The following TTLL7 variants were observed in gnomAD, a reference collection of about 807,000 sequenced individuals.
TTLL7 encodes the protein tubulin tyrosine ligase like 7, also known as tubulin polyglutamylase TTLL7.
A neutral mutation model predicts 120.2 loss-of-function variants in TTLL7; 53 were observed. The ratio of observed to expected loss-of-function variants is 0.44; its 90% confidence interval spans 0.35 to 0.55. The LOEUF (loss-of-function observed/expected upper bound fraction) is 0.55, where lower values mean the gene tolerates loss of function less well. TTLL7 is among the 20% of genes least tolerant of loss of function. The pLI, the probability that TTLL7 is intolerant of heterozygous loss-of-function variation, is 0.00. For synonymous variants in TTLL7, 353 were observed against 351.7 expected, an observed-to-expected ratio of 1.00 and a Z score of -0.04; for missense variants, 803 against 1,054.7, an observed-to-expected ratio of 0.76 and a Z score of 3.31.
At chr1:83,914,022 A>G (rs4258240) in intron 14 of TTLL7, among the ~76,000 whole-genome samples, 6,276 of 152,306 alleles carry the variant, frequency 0.041, 155 homozygotes, top group Middle Eastern at 0.099. Context: ...GACTCATGCA[A>G]GTATTCACTT....
intron 20 of TTLL7, among the ~76,000 whole-genome samples, chr1:83,881,520 A>G (rs1163994921): frequency 1.3e-5 from 2 of 152,180 alleles, no homozygotes; most frequent in Non-Finnish European, 2.9e-5. Context: ...GAGAAATACA[A>G]ATCAAAACCA....
intron 18 of TTLL7, among the ~76,000 whole-genome samples, chr1:83,899,715 T>C (rs1221589634): frequency 6.6e-6 from 1 of 151,940 alleles, no homozygotes; most frequent in East Asian, 1.9e-4. Flanking sequence ...ACTTTTGATT[T>C]ATACCAAAGG....
intron 1 of TTLL7, among the ~76,000 whole-genome samples, chr1:83,965,913 A>C (rs1324251005): frequency 6.6e-6 from 1 of 152,088 alleles, no homozygotes; most frequent in Non-Finnish European, 1.5e-5. Flanking sequence ...TGCTAACATC[A>C]TTTAGGAAGC....
rs186388849 is a variant in TTLL7, at chr1:83,938,010, A to G, written c.730T>C (p.Leu244=). ...IPPNESNLTQ[L]YMHLTNYSVN... ...GAGTAGTTTGTCAGATGCATGTATAACTGGGTCTGTAACAAGTAAGAACCA... is the reference window on the plus strand; with the variant it reads ...GAGTAGTTTGTCAGATGCATGTATAGCTGGGTCTGTAACAAGTAAGAACCA... The change falls in exon 8 of 21, where the codon TTA becomes CTA. Residue 244 remains leucine (L), a synonymous_variant. Transcript: ENST00000260505. The G allele has an allele frequency of 6.0e-4, 964 of 1,613,962 alleles. 1 individual carries two copies. Among genetic ancestry groups the G allele is most frequent in the Non-Finnish European group, 7.9e-4 (933 of 1,179,864 alleles).
At chr1:83,878,716 T>C (rs1183349169) in intron 20 of TTLL7, among the ~76,000 whole-genome samples, 2 of 151,976 alleles carry the variant, frequency 1.3e-5, no homozygotes, top group Non-Finnish European at 2.9e-5. Context: ...TTTTAAAATG[T>C]TTTTTAGCTA....
intron 14 of TTLL7, among the ~76,000 whole-genome samples, chr1:83,915,164 G>T (rs1473567259): frequency 2.0e-5 from 3 of 151,994 alleles, no homozygotes; most frequent in Non-Finnish European, 4.4e-5. Context: ...TTAGTAGGAA[G>T]ACATTTCAGA....
At chr1:83,916,233 A>G (rs1658149541) in intron 14 of TTLL7, among the ~76,000 whole-genome samples, 1 of 152,202 alleles carries the variant, frequency 6.6e-6, no homozygotes, top group South Asian at 2.1e-4. Context: ...AAAGACTTGG[A>G]ACCAACCCAA....
chr1:83,928,957 G>A (rs1391301858), intron 10 of TTLL7, among the ~76,000 whole-genome samples, 179 bp downstream of exon 10: 6 of 150,072 alleles, frequency 4.0e-5, no homozygotes, highest in Non-Finnish European at 7.4e-5. Context: ...ATCAAGAAAT[G>A]AAAAATACAA....
intron 16 of TTLL7, among the ~76,000 whole-genome samples, chr1:83,907,206 T>A (rs1347140384): frequency 1.3e-5 from 2 of 152,118 alleles, no homozygotes; most frequent in African/African-American, 4.8e-5. Flanking sequence ...TCCTACTATA[T>A]CAGCAAATAG....
At chr1:83,924,802 G>C (rs1393224611) in intron 10 of TTLL7, among the ~76,000 whole-genome samples, 1 of 152,158 alleles carries the variant, frequency 6.6e-6, no homozygotes, top group South Asian at 2.1e-4. Flanking sequence ...AATATTAAAT[G>C]AGAACAAGTG....
chr1:83,983,896 C>T (rs1377388322), intron 1 of TTLL7: 3 of 152,224 alleles, frequency 2.0e-5, no homozygotes, highest in African/African-American at 7.2e-5. Context: ...TTGAGACCGG[C>T]CAGGGCAATA....
In TTLL7 at chr1:83,996,493, G is replaced by A. The variant is rs143368351; in HGVS notation, c.-177+2438C>T. Among the ~76,000 whole-genome samples the A allele has an allele frequency of 1.6e-3, 241 of 152,270 alleles. 1 individual carries two copies. Among genetic ancestry groups the A allele is most frequent in the East Asian group, 7.5e-3 (39 of 5,180 alleles). On this transcript the variant is annotated intron_variant, in intron 1 of 20. Transcript: ENST00000260505. ...CTATCAGAATCCTTCCAGTCTCTGA[G>A]ACTGATTTAATTCACTTCAACCCAT...
chr1:83,919,041 T>C (rs1182057598), intron 13 of TTLL7, among the ~76,000 whole-genome samples: 1 of 151,996 alleles, frequency 6.6e-6, no homozygotes, highest in Non-Finnish European at 1.5e-5. Context: ...AGCTATCTTA[T>C]CTGACACACC....
At chr1:83,941,045 G>A (rs1273511086) in intron 7 of TTLL7, among the ~76,000 whole-genome samples, 1 of 152,072 alleles carries the variant, frequency 6.6e-6, no homozygotes, top group Non-Finnish European at 1.5e-5. Flanking sequence ...CTCCAGACAT[G>A]CCATACTCTG....
chr1:83,942,408 A>G (rs1648066207), intron 7 of TTLL7, 55 bp downstream of exon 7: 5 of 1,467,792 alleles, frequency 3.4e-6, no homozygotes, highest in Non-Finnish European at 4.7e-6. Flanking sequence ...GGATGCTTTA[A>G]AAAGTATATG....
intron 18 of TTLL7, among the ~76,000 whole-genome samples, chr1:83,892,791 C>CGCATATGTGAACATATATATGAAT (rs1571087321): frequency 6.6e-6 from 1 of 151,410 alleles, no homozygotes; most frequent in African/African-American, 2.4e-5. Context: ...TATATATGAA[C>CGCATATGTGAACATATATATGAAT]GCATATGTGA....
chr1:83,913,073 G>A (rs1657814077), intron 14 of TTLL7: 1 of 152,132 alleles, frequency 6.6e-6, no homozygotes, highest in African/African-American at 2.4e-5. Context: ...ACGTACAGCT[G>A]AGCCTTTGTG....
In TTLL7 at chr1:83,999,047, G is replaced by A. The variant is rs773791789; in HGVS notation, c.-293C>T. Reference sequence around the variant, plus strand: ...CCGCCCCGACTCGGCAGCCTGCACTGGTGGTCCGGTGCTCTCCTCCGCCCG... The same window carrying A: ...CCGCCCCGACTCGGCAGCCTGCACTAGTGGTCCGGTGCTCTCCTCCGCCCG... On this transcript the variant is annotated 5_prime_UTR_variant, in exon 1 of 21. Coordinates refer to ENST00000260505, the MANE Select transcript of TTLL7 (RefSeq NM_024686.6). 3.8e-5 allele frequency: 17 copies of A among 448,036 alleles called. No individual in the cohort carries two copies. Among genetic ancestry groups the A allele is most frequent in the Non-Finnish European group, 1.8e-5 (4 of 224,858 alleles). 27.8% of individuals were successfully genotyped at this position (448,036 alleles called of 1,614,324 possible).
intron 1 of TTLL7, among the ~76,000 whole-genome samples, chr1:83,988,622 G>A (rs145689649): frequency 1.3e-5 from 2 of 152,200 alleles, no homozygotes; most frequent in East Asian, 3.9e-4. Context: ...TGATTTGCAT[G>A]TCTCTGGTGA....
Sources: gnomAD v4.1 joint callset for allele counts (sites outside exome capture counted in the v4.1 genomes callset) on GRCh38, gnomAD v4.1.1 for gene constraint, MANE v1.5 for transcripts, NCBI Gene and HGNC (gene_info 2026-07-23, HGNC 2026-07-21) for gene names.